CLDN10: variants seen among roughly 807,000 people sequenced by gnomAD.
CLDN10 encodes the protein claudin-10.
In CLDN10, 15 loss-of-function variants were observed where a neutral mutation model predicts 22.9. The ratio of observed to expected loss-of-function variants is 0.65; its 90% CI spans 0.44 to 1.01. CLDN10 has a LOEUF of 1.01. Among genes scored for constraint, CLDN10 ranks in the 50% least tolerant of loss-of-function variants. The pLI is 0.00. For missense variants in CLDN10, 247 were observed against 287.8 expected, an observed-to-expected ratio of 0.86 and a Z score of 1.03; for synonymous variants, 114 against 111.4, an observed-to-expected ratio of 1.02 and a Z score of -0.15.
At chr13:95,453,146 A>C (rs2042448385) in intron 1 of CLDN10, among the ~76,000 whole-genome samples, 1 of 152,204 alleles carries the variant, frequency 6.6e-6, no homozygotes, top group Non-Finnish European at 1.5e-5. Context: ...ATGGGAACAA[A>C]TGCTATTATC....
At chr13:95,533,975 G>A (rs556882808) in intron 1 of CLDN10, 1 of 152,300 alleles carries the variant, frequency 6.6e-6, no homozygotes, top group African/African-American at 2.4e-5. Context: ...CATTTCCTCA[G>A]GGACATGCTC....
chr13:95,454,372 T>C (rs1030009897), intron 1 of CLDN10, among the ~76,000 whole-genome samples: 4 of 151,372 alleles, frequency 2.6e-5, no homozygotes, highest in Admixed American at 2.6e-4. Flanking sequence ...ACCTGGGAGG[T>C]GGAGGTTGCA....
At chr13:95,466,440 T>C (rs1196948281) in intron 1 of CLDN10, among the ~76,000 whole-genome samples, 5 of 152,184 alleles carry the variant, frequency 3.3e-5, no homozygotes, top group Non-Finnish European at 7.3e-5. Context: ...CCTGGCTTTA[T>C]AACAAGGCAG....
At chr13:95,448,979 C>A (rs1457914015) in intron 1 of CLDN10, among the ~76,000 whole-genome samples, 1 of 151,452 alleles carries the variant, frequency 6.6e-6, no homozygotes, top group Non-Finnish European at 1.5e-5. Flanking sequence ...CCTCAAGTAA[C>A]CTGCCTCCCT....
intron 1 of CLDN10, among the ~76,000 whole-genome samples, chr13:95,545,027 C>T (rs2043494409): frequency 6.6e-6 from 1 of 151,892 alleles, no homozygotes; most frequent in African/African-American, 2.4e-5. Context: ...ATCCACCTGC[C>T]TCAGCCTCCC....
At chr13:95,518,742 G>T (rs2043195252) in intron 1 of CLDN10, among the ~76,000 whole-genome samples, 1 of 136,860 alleles carries the variant, frequency 7.3e-6, no homozygotes, top group Admixed American at 8.1e-5. Flanking sequence ...CTGAGTGACA[G>T]AATGAGACTG....
intron 1 of CLDN10, among the ~76,000 whole-genome samples, chr13:95,546,601 C>T (rs569597528): frequency 2.5e-4 from 38 of 152,282 alleles, no homozygotes; most frequent in African/African-American, 8.7e-4. Context: ...TAAACTTCCT[C>T]TGATTTTCCC....
intron 1 of CLDN10, among the ~76,000 whole-genome samples, chr13:95,457,811 G>A (rs1391536293): frequency 2.0e-5 from 3 of 152,076 alleles, no homozygotes; most frequent in Non-Finnish European, 4.4e-5. Flanking sequence ...ACTGCACTGG[G>A]CATATCTGCA....
intron 1 of CLDN10, among the ~76,000 whole-genome samples, chr13:95,466,088 CTATT>C (rs1195649564): frequency 6.6e-6 from 1 of 151,178 alleles, no homozygotes; most frequent in East Asian, 1.9e-4. Context: ...TATTTTACCA[CTATT>C]TATTTACTTT....
intron 1 of CLDN10, among the ~76,000 whole-genome samples, chr13:95,452,529 G>A (rs567308916): frequency 6.6e-6 from 1 of 152,306 alleles, no homozygotes; most frequent in East Asian, 1.9e-4. Flanking sequence ...CATGACCACA[G>A]TCAGCAGAAA....
chr13:95,521,253 T>A (rs2043221534), intron 1 of CLDN10, among the ~76,000 whole-genome samples: 2 of 152,240 alleles, frequency 1.3e-5, no homozygotes, highest in Admixed American at 6.5e-5. Flanking sequence ...ATCCTTGTTT[T>A]GTTCCTGATT....
intron 1 of CLDN10, among the ~76,000 whole-genome samples, chr13:95,476,363 G>A (rs79464364): frequency 0.11 from 16,390 of 152,188 alleles, 1,056 homozygotes; most frequent in South Asian, 0.25. Context: ...GGTGTCCGGT[G>A]AGGGCTGCTT....
At chr13:95,463,945 T>C (rs1435518344) in intron 1 of CLDN10, among the ~76,000 whole-genome samples, 1 of 152,110 alleles carries the variant, frequency 6.6e-6, no homozygotes, top group African/African-American at 2.4e-5. Flanking sequence ...GATCAAACTT[T>C]TCTTTCATTT....
At chr13:95,498,162 C>A (rs935499793) in intron 1 of CLDN10, among the ~76,000 whole-genome samples, 1 of 152,160 alleles carries the variant, frequency 6.6e-6, no homozygotes, top group Non-Finnish European at 1.5e-5. Flanking sequence ...AGGAAAGCAC[C>A]TCCTTGGAGC....
intron 1 of CLDN10, among the ~76,000 whole-genome samples, chr13:95,547,309 T>A (rs377047765): frequency 4.1e-4 from 63 of 152,286 alleles, no homozygotes; most frequent in African/African-American, 1.3e-3. Flanking sequence ...CCCTCTGCCC[T>A]CACTCTGGGC....
intron 1 of CLDN10, among the ~76,000 whole-genome samples, chr13:95,496,551 G>A (rs1450345330): frequency 6.6e-6 from 1 of 152,202 alleles, no homozygotes; most frequent in Non-Finnish European, 1.5e-5. Context: ...TACTTCTCAT[G>A]GCTCTGGAGG....
intron 1 of CLDN10, among the ~76,000 whole-genome samples, chr13:95,511,340 G>A (rs1566309217): frequency 6.6e-6 from 1 of 151,838 alleles, no homozygotes; most frequent in African/African-American, 2.4e-5. Flanking sequence ...AAAGGAAAGA[G>A]AAAAAAACCC....
chr13:95,530,905 A>G (rs890920614), intron 1 of CLDN10, among the ~76,000 whole-genome samples: 1 of 151,920 alleles, frequency 6.6e-6, no homozygotes, highest in African/African-American at 2.4e-5. Context: ...TTAGACTCCA[A>G]TGAGAAGAAA....
rs1034830704 is a variant in CLDN10, at chr13:95,578,911, G to A, written c.*897G>A. 3.9e-5 allele frequency: 6 copies of A among 152,214 alleles called. No individual in the cohort carries two copies. The highest frequency in any genetic ancestry group is 1.4e-4 in the African/African-American group (6 of 41,450). The allele number at this position is 152,214 out of a possible 1,614,324, so 9.4% of individuals were successfully genotyped here. A position where few individuals can be genotyped will look rare whatever the true frequency, so the allele number is the denominator to read the frequency against. On this transcript the variant is annotated 3_prime_UTR_variant, in exon 5 of 5. Coordinates refer to ENST00000299339, the MANE Select transcript of CLDN10 (RefSeq NM_006984.5). The stretch of plus-strand genomic sequence containing the variant: ...ATTGCCTGTCATGTGGCACATCCAT[G>A]TTAAGGGGCTGAGGCGTCCCTGGCA...
Sources: allele counts gnomAD v4.1 joint callset (sites outside exome capture counted in the v4.1 genomes callset), GRCh38; gene constraint gnomAD v4.1.1; transcripts MANE v1.5; gene names NCBI Gene and HGNC (gene_info 2026-07-23, HGNC 2026-07-21).